The following ABCA9 variants were observed in gnomAD, a reference collection of about 807,000 sequenced individuals.
ABCA9 encodes the protein ATP binding cassette subfamily A member 9, also known as ATP-binding cassette sub-family A member 9.
Under a neutral mutation model 205.3 loss-of-function variants are expected in ABCA9, and 183 were observed. The observed-to-expected ratio is 0.89, with a 90% confidence interval of 0.79 to 1.01. The LOEUF (loss-of-function observed/expected upper bound fraction) is 1.01. Among genes scored for constraint, ABCA9 ranks in the 50% least tolerant of loss-of-function variants. The probability of loss-of-function intolerance (pLI) is 0.00; values close to 1 mark genes in which losing one functional copy is unlikely to be tolerated. For missense variants in ABCA9, 1,805 were observed against 1,912.4 expected (o/e 0.94, Z 1.05); for synonymous variants, 651 against 683.3 (o/e 0.95, Z 0.74).
intron 1 of ABCA9, among the ~76,000 whole-genome samples, chr17:69,051,951 A>G (rs1305423466): frequency 6.6e-6 from 1 of 152,212 alleles, no homozygotes; most frequent in East Asian, 1.9e-4. Flanking sequence ...GAAAAGTGGG[A>G]ATTGGAAATT....
At chr17:69,060,028 T>C (rs186559542) in intron 1 of ABCA9, among the ~76,000 whole-genome samples, 50 of 143,310 alleles carry the variant, frequency 3.5e-4, no homozygotes, top group Non-Finnish European at 5.9e-4. Flanking sequence ...GTGACTACTG[T>C]TCTTTCTTTC....
intron 25 of ABCA9, among the ~76,000 whole-genome samples, chr17:69,005,705 A>T (rs1195658887): frequency 6.6e-6 from 1 of 152,160 alleles, no homozygotes; most frequent in Admixed American, 6.5e-5. Flanking sequence ...TACCTAATCA[A>T]ATATAACTTG....
intron 37 of ABCA9, 127 bp from the exon 38 acceptor site, chr17:68,976,317 T>A: frequency 1.3e-6 from 1 of 790,680 alleles, no homozygotes; most frequent in Non-Finnish European, 2.0e-6. Context: ...ATTCTTAGAC[T>A]AAATATGGGA....
At chr17:69,027,247 T>A in intron 14 of ABCA9, 83 bp downstream of exon 14, 1 of 1,564,804 alleles carries the variant, frequency 6.4e-7, no homozygotes. Context: ...TCTCTTACAT[T>A]TATCATTTGA....
chr17:69,005,669 A>G (rs1055767761), intron 25 of ABCA9, among the ~76,000 whole-genome samples: 3 of 152,222 alleles, frequency 2.0e-5, no homozygotes, highest in Non-Finnish European at 4.4e-5. Flanking sequence ...ACCCTGCTCT[A>G]CGAACAAAGA....
At chr17:69,030,418 C>T (rs992711830) in intron 10 of ABCA9, among the ~76,000 whole-genome samples, 2 of 152,174 alleles carry the variant, frequency 1.3e-5, no homozygotes, top group Non-Finnish European at 2.9e-5. Flanking sequence ...GAAGGCCCCA[C>T]CCTCATGATC....
chr17:69,072,157 G>T, the ABCA9 span, among the ~76,000 whole-genome samples: 1 of 152,202 alleles, frequency 6.6e-6, no homozygotes, highest in African/African-American at 2.4e-5. Flanking sequence ...ATGGAACCAA[G>T]TTGGGAAACA....
chr17:69,033,998 T>G lies in ABCA9; in HGVS notation c.1129-125A>C, dbSNP rs967571811. 30 of 755,586 alleles carry G rather than the reference T, an allele frequency of 4.0e-5. No individual in the cohort carries two copies. The African/African-American group carries it at 4.2e-4, about 11-fold the overall frequency. 46.8% of individuals were successfully genotyped at this position (755,586 alleles called of 1,614,324 possible). On this transcript the variant is annotated intron_variant, in intron 8 of 38. Transcript: ENST00000340001. The stretch of plus-strand genomic sequence containing the variant: ...AGATATAATCTTGTCTCTACAGAGC[T>G]CTGTCTACTATTATAGAAGACAATT...
At chr17:68,983,972 C>A in intron 35 of ABCA9, 84 bp downstream of exon 35, 2 of 1,601,954 alleles carry the variant, frequency 1.2e-6, no homozygotes, top group Non-Finnish European at 1.7e-6. Context: ...TAGCTCCTCA[C>A]GATGGGTAGC....
intron 25 of ABCA9, among the ~76,000 whole-genome samples, chr17:69,007,299 G>C (rs894358526): frequency 2.0e-5 from 3 of 152,146 alleles, no homozygotes; most frequent in Admixed American, 6.5e-5. Context: ...TACTCAGGAG[G>C]CTGAGGCAGG....
chr17:69,027,468 T>A lies in ABCA9; in HGVS notation c.1792-19A>T. On this transcript the variant is annotated intron_variant, in intron 13 of 38. Coordinates refer to ENST00000340001, the MANE Select transcript of ABCA9 (RefSeq NM_080283.4). Reference sequence around the variant, plus strand: ...GTTGTACCTAATCAAATAAAGAATATTTAGTCCAAAACCCAGAAAGTTTAT... The same window carrying A: ...GTTGTACCTAATCAAATAAAGAATAATTAGTCCAAAACCCAGAAAGTTTAT... The A allele has an allele frequency of 4.4e-6, 7 of 1,595,482 alleles. No individual in the cohort carries two copies. Among genetic ancestry groups the A allele is most frequent in the Non-Finnish European group, 6.0e-6 (7 of 1,173,764 alleles).
chr17:69,004,648 A>T, intron 25 of ABCA9: 1 of 162,450 alleles, frequency 6.2e-6, no homozygotes, highest in South Asian at 1.8e-4. Context: ...ACCCAGTTCG[A>T]GCTTCCCAGC....
chr17:69,010,823 C>T (rs990474664), intron 23 of ABCA9, among the ~76,000 whole-genome samples: 37 of 151,942 alleles, frequency 2.4e-4, no homozygotes, highest in African/African-American at 7.3e-4. Flanking sequence ...AACGATAATG[C>T]GAAAATTTTA....
At chr17:69,045,140 CA>C (rs752078050) in intron 4 of ABCA9, 31 bp downstream of exon 4, 48 of 1,599,760 alleles carry the variant, frequency 3.0e-5, no homozygotes, top group East Asian at 1.6e-4. Context: ...GATACAATAG[CA>C]AAAAAAATTT....
At chr17:69,078,919 TACATAAA>T in the ABCA9 span, 1 of 1,009,308 alleles carries the variant, frequency 9.9e-7, no homozygotes, top group Non-Finnish European at 1.4e-6. Flanking sequence ...TATTAATTAT[TACATAAA>T]ACATGAGTTT....
At chr17:69,003,262 T>C (rs2069961006) in intron 25 of ABCA9, among the ~76,000 whole-genome samples, 1 of 152,182 alleles carries the variant, frequency 6.6e-6, no homozygotes, top group African/African-American at 2.4e-5. Context: ...GTACCAGTTG[T>C]TCCTTTCCAT....
intron 26 of ABCA9, among the ~76,000 whole-genome samples, chr17:68,994,471 C>T (rs1049698371): frequency 2.0e-5 from 3 of 152,186 alleles, no homozygotes; most frequent in Admixed American, 1.3e-4. Flanking sequence ...ATAAGAGAAA[C>T]TCTCTACTTT....
chr17:69,056,941 A>G (rs1192113013), intron 1 of ABCA9, among the ~76,000 whole-genome samples: 1 of 152,342 alleles, frequency 6.6e-6, no homozygotes, highest in African/African-American at 2.4e-5. Flanking sequence ...TGGAACTCAT[A>G]GTTTTAACTA....
chr17:69,028,395 G>T, intron 12 of ABCA9, 140 bp downstream of exon 12: 2 of 434,810 alleles, frequency 4.6e-6, no homozygotes, highest in Non-Finnish European at 8.3e-6. Context: ...TCCATCTCTT[G>T]ACCTCATGAT....
Sources: gnomAD v4.1 joint callset for allele counts (sites outside exome capture counted in the v4.1 genomes callset) on GRCh38, gnomAD v4.1.1 for gene constraint, MANE v1.5 for transcripts, NCBI Gene and HGNC (gene_info 2026-07-23, HGNC 2026-07-21) for gene names.